The following BLNK variants were observed in gnomAD, a reference collection of about 807,000 sequenced individuals.
The protein encoded by BLNK is B-cell linker protein.
A neutral mutation model predicts 73.5 loss-of-function variants in BLNK; 29 were observed. The observed-to-expected ratio is 0.39, with a 90% CI of 0.29 to 0.54. The LOEUF (loss-of-function observed/expected upper bound fraction) is 0.54, where lower values mean the gene tolerates loss of function less well. Among genes scored for constraint, BLNK ranks in the 20% least tolerant of loss-of-function variants. The probability of loss-of-function intolerance (pLI) is 0.61; values close to 1 mark genes in which losing one functional copy is unlikely to be tolerated. For synonymous variants in BLNK, 176 were observed against 200.8 expected, an observed-to-expected ratio of 0.88 and a Z score of 1.04; for missense variants, 460 against 562.8, an observed-to-expected ratio of 0.82 and a Z score of 1.85.
chr10:96,212,128 T>C (rs2083962269), intron 8 of BLNK, among the ~76,000 whole-genome samples: 1 of 152,166 alleles, frequency 6.6e-6, no homozygotes, highest in Non-Finnish European at 1.5e-5. Flanking sequence ...AAATAACTTC[T>C]GACAATCAGA....
chr10:96,221,436 T>A (rs2084194762), intron 6 of BLNK, among the ~76,000 whole-genome samples: 2 of 152,246 alleles, frequency 1.3e-5, no homozygotes, highest in Non-Finnish European at 2.9e-5. Flanking sequence ...AGCCATATCT[T>A]AATGTTGGCT....
In BLNK at chr10:96,197,023, G is replaced by T. The variant is rs782433581; in HGVS notation, c.1136C>A (p.Ser379Tyr). Residue 379 changes from serine to tyrosine, a missense_variant, in exon 16 of 17, where the codon TCC becomes TAC. Physicochemically the swap from Ser to Tyr is moderately radical, Grantham distance 144. Coordinates refer to ENST00000224337, the MANE Select transcript of BLNK (RefSeq NM_013314.4). ...FLIRKSSGHD[S>Y]KQPYTLVVFF... ...TACAACTAGTGTATATGGTTGTTTGGAATCATGGCCAGAGCTTTTCCGAAT... is the reference window on the plus strand; with the variant it reads ...TACAACTAGTGTATATGGTTGTTTGTAATCATGGCCAGAGCTTTTCCGAAT... 1 of 1,612,906 alleles carries T rather than the reference G, an allele frequency of 6.2e-7. No individual in the cohort carries two copies. Among genetic ancestry groups the T allele is most frequent in the South Asian group, 1.1e-5 (1 of 90,912 alleles).
chr10:96,242,690 T>C, intron 3 of BLNK, 45 bp downstream of exon 3: 5 of 1,545,316 alleles, frequency 3.2e-6, no homozygotes, highest in Non-Finnish European at 4.5e-6. Context: ...AATATGAACA[T>C]TAAATTAGTC....
At chr10:96,256,837 C>T (rs910083937) in intron 1 of BLNK, among the ~76,000 whole-genome samples, 4 of 140,452 alleles carry the variant, frequency 2.8e-5, no homozygotes, top group Non-Finnish European at 6.0e-5. Flanking sequence ...GACAAGATTG[C>T]ACCACTGCAC....
At chr10:96,225,800 G>C (rs1262622533) in intron 5 of BLNK, among the ~76,000 whole-genome samples, 4 of 152,010 alleles carry the variant, frequency 2.6e-5, no homozygotes, top group African/African-American at 7.3e-5. Context: ...GCACCACCAT[G>C]CCCGGCTAAT....
At chr10:96,224,310 G>A (rs1026889664) in intron 5 of BLNK, among the ~76,000 whole-genome samples, 15 of 152,246 alleles carry the variant, frequency 9.9e-5, no homozygotes, top group African/African-American at 3.6e-4. Context: ...GAGGGCACAG[G>A]GTGGGGGTGA....
At chr10:96,226,852 AC>A (rs1842288157) in intron 5 of BLNK, among the ~76,000 whole-genome samples, 1 of 150,704 alleles carries the variant, frequency 6.6e-6, no homozygotes, top group African/African-American at 2.4e-5. Flanking sequence ...ACAAAACAAA[AC>A]AAAAAAAAAA....
chr10:96,204,366 G>A (rs1296349769), intron 12 of BLNK, 166 bp downstream of exon 12: 1 of 834,628 alleles, frequency 1.2e-6, no homozygotes, highest in African/African-American at 1.7e-5. Context: ...ACTCTACACA[G>A]TTATTTTAAA....
chr10:96,264,877 C>T (rs1021920828), intron 1 of BLNK, among the ~76,000 whole-genome samples: 1 of 152,184 alleles, frequency 6.6e-6, no homozygotes, highest in Non-Finnish European at 1.5e-5. Context: ...CCACCAGCTG[C>T]TTTGTCTTTT....
At chr10:96,262,160 C>T (rs1358831598) in intron 1 of BLNK, among the ~76,000 whole-genome samples, 1 of 152,204 alleles carries the variant, frequency 6.6e-6, no homozygotes, top group Non-Finnish European at 1.5e-5. Context: ...TCTCTGCCCC[C>T]TTGGTCTGAG....
rs1161505305 is a variant in BLNK, at chr10:96,257,990, T to A, written c.48-10941A>T. ...GTTTTCAGCCACCAACCCATCGTTT[T>A]GAAGCAGCATGATACTTTTTAGTGA... On this transcript the variant is annotated intron_variant, in intron 1 of 16. Coordinates refer to ENST00000224337, the MANE Select transcript of BLNK (RefSeq NM_013314.4). 2.6e-5 allele frequency among the ~76,000 whole-genome samples: 4 copies of A among 152,370 alleles called. 1 individual carries two copies. The highest frequency in any genetic ancestry group is 9.6e-5 in the African/African-American group (4 of 41,590).
At chr10:96,210,191 T>C (rs1591310751) in intron 8 of BLNK, 1 of 443,746 alleles carries the variant, frequency 2.3e-6, no homozygotes. Context: ...CCCTGCCCCA[T>C]GGGGCAAGTC....
intron 1 of BLNK, among the ~76,000 whole-genome samples, chr10:96,263,284 C>T (rs1471619721): frequency 2.0e-5 from 3 of 152,188 alleles, no homozygotes; most frequent in Non-Finnish European, 4.4e-5. Context: ...AAGCTAGGGA[C>T]CTGTGCTGCG....
chr10:96,230,074 CA>C (rs879983808), intron 4 of BLNK, among the ~76,000 whole-genome samples: 4 of 152,196 alleles, frequency 2.6e-5, no homozygotes, highest in Non-Finnish European at 4.4e-5. Context: ...AGCAGGCTAA[CA>C]TTCTGGATGA....
intron 1 of BLNK, among the ~76,000 whole-genome samples, chr10:96,264,865 C>T (rs1195514432): frequency 6.6e-5 from 10 of 152,174 alleles, no homozygotes; most frequent in African/African-American, 9.7e-5. Flanking sequence ...TTCATCTCTC[C>T]TCCACCAGCT....
chr10:96,208,400 A>G (rs1554897942), intron 9 of BLNK, among the ~76,000 whole-genome samples: 1 of 152,168 alleles, frequency 6.6e-6, no homozygotes, highest in Non-Finnish European at 1.5e-5. Flanking sequence ...CCCTGTCTCT[A>G]GGGACTATTC....
chr10:96,199,544 T>C (rs782606503), intron 15 of BLNK: 5 of 459,142 alleles, frequency 1.1e-5, no homozygotes, highest in East Asian at 6.8e-5. Flanking sequence ...CTTGAGGAGA[T>C]GAAAGGACAA....
intron 16 of BLNK, among the ~76,000 whole-genome samples, chr10:96,194,768 A>ATTTTTT (rs71034364): frequency 0.27 from 29,941 of 109,616 alleles, 5,093 homozygotes; most frequent in East Asian, 0.41. Context: ...AGAAATGCAA[A>ATTTTTT]TTTTTTTTTT....
chr10:96,234,999 C>A (rs782373834), intron 3 of BLNK, among the ~76,000 whole-genome samples: 17 of 152,316 alleles, frequency 1.1e-4, no homozygotes, highest in Middle Eastern at 3.4e-3. Context: ...TTTACCATGT[C>A]ATAATCCCAT....
Sources: allele counts gnomAD v4.1 joint callset (sites outside exome capture counted in the v4.1 genomes callset), GRCh38; gene constraint gnomAD v4.1.1; transcripts MANE v1.5; gene names NCBI Gene and HGNC (gene_info 2026-07-23, HGNC 2026-07-21).